The following ANK2 variants were observed in gnomAD, a reference collection of about 807,000 sequenced individuals.
The protein encoded by ANK2 is ankyrin 2, also known as ankyrin-2.
Under a neutral mutation model 360.5 loss-of-function variants are expected in ANK2, and 83 were observed. The ratio of observed to expected loss-of-function variants is 0.23; its 90% CI spans 0.19 to 0.28. ANK2 has a LOEUF of 0.28. Among genes scored for constraint, ANK2 ranks in the 10% least tolerant of loss-of-function variants. The pLI is 1.00. For missense variants in ANK2, 4,201 were observed against 4,795.7 expected, an observed-to-expected ratio of 0.88 and a Z score of 3.66; for synonymous variants, 1,740 against 1,759.5, an observed-to-expected ratio of 0.99 and a Z score of 0.28.
chr4:112,882,114 C>T (rs1480260744), intron 1 of ANK2: 2 of 298,748 alleles, frequency 6.7e-6, no homozygotes. Context: ...GCTTCCGCAG[C>T]TGTTCCGGCT....
intron 2 of ANK2, among the ~76,000 whole-genome samples, chr4:113,005,022 T>C (rs2052297962): frequency 6.6e-6 from 1 of 152,148 alleles, no homozygotes; most frequent in Non-Finnish European, 1.5e-5. Context: ...CAATAAGCCA[T>C]AAGAAAGAAG....
intron 1 of ANK2, among the ~76,000 whole-genome samples, chr4:112,833,128 T>G (rs974614633): frequency 1.3e-5 from 2 of 152,240 alleles, no homozygotes; most frequent in African/African-American, 2.4e-5. Context: ...GAGGCTTGGT[T>G]GTTCTGATAG....
intron 45 of ANK2, among the ~76,000 whole-genome samples, chr4:113,376,193 T>G (rs1274523514): frequency 6.6e-6 from 1 of 152,188 alleles, no homozygotes. Flanking sequence ...GTGTGAACAT[T>G]GTAGAATGTC....
At chr4:112,719,353 G>A in the ANK2 span, among the ~76,000 whole-genome samples, 1 of 152,108 alleles carries the variant, frequency 6.6e-6, no homozygotes, top group African/African-American at 2.4e-5. Flanking sequence ...CAGATACAGA[G>A]GGGAAAACAC....
chr4:113,292,645 C>G, intron 21 of ANK2, 131 bp downstream of exon 21: 1 of 1,052,318 alleles, frequency 9.5e-7, no homozygotes, highest in Non-Finnish European at 1.4e-6. Flanking sequence ...TGGAAAGCCC[C>G]AGATTTTTGG....
chr4:113,376,618 G>A (rs188512665), intron 45 of ANK2, among the ~76,000 whole-genome samples: 1 of 152,058 alleles, frequency 6.6e-6, no homozygotes, highest in East Asian at 1.9e-4. Flanking sequence ...TTAGCTTACT[G>A]TAACTCTTTG....
At chr4:113,102,680 G>T (rs1361738363) in intron 1 of ANK2, among the ~76,000 whole-genome samples, 1 of 152,150 alleles carries the variant, frequency 6.6e-6, no homozygotes, top group East Asian at 1.9e-4. Flanking sequence ...CAACTGTGAA[G>T]TGCTGTTAAA....
the ANK2 span, chr4:112,788,043 T>G: frequency 9.7e-7 from 1 of 1,035,186 alleles, no homozygotes; most frequent in African/African-American, 1.6e-5. Context: ...TTTGTATTAT[T>G]TTAATTATTT....
chr4:112,925,381 T>C (rs1452675811), intron 2 of ANK2, among the ~76,000 whole-genome samples: 2 of 152,254 alleles, frequency 1.3e-5, no homozygotes, highest in African/African-American at 4.8e-5. Flanking sequence ...AACATCCATC[T>C]GTTTTCTATC....
chr4:112,733,220 A>G, the ANK2 span, among the ~76,000 whole-genome samples: 1 of 151,864 alleles, frequency 6.6e-6, no homozygotes, highest in Non-Finnish European at 1.5e-5. Context: ...TGCCTCAAAA[A>G]TAATAATAAT....
intron 1 of ANK2, among the ~76,000 whole-genome samples, chr4:113,064,729 T>C (rs2074973768): frequency 6.6e-6 from 1 of 151,592 alleles, no homozygotes; most frequent in African/African-American, 2.4e-5. Flanking sequence ...TGTTAGAAAG[T>C]TCTGTAGAAC....
chr4:113,270,046 C>T (rs538475368), intron 14 of ANK2, among the ~76,000 whole-genome samples: 1 of 152,244 alleles, frequency 6.6e-6, no homozygotes, highest in South Asian at 2.1e-4. Context: ...GCTTCCCCTG[C>T]CATAACATTT....
intron 31 of ANK2, among the ~76,000 whole-genome samples, chr4:113,338,150 T>C (rs1426839761): frequency 2.0e-5 from 3 of 152,254 alleles, no homozygotes; most frequent in African/African-American, 4.8e-5. Context: ...GTATGTATTT[T>C]AAAGGCCTAC....
In ANK2 at chr4:112,988,881, G is replaced by C. The variant is rs150101200; in HGVS notation, c.21+84367G>C. Among the ~76,000 whole-genome samples, 296 of 151,532 alleles carry C rather than the reference G, an allele frequency of 2.0e-3. 2 individuals are homozygous for C. Among genetic ancestry groups the C allele is most frequent in the African/African-American group, 6.8e-3 (279 of 40,926 alleles). On this transcript the variant is annotated intron_variant, in intron 2 of 30. Transcript: ENST00000503271. Reference sequence around the variant, plus strand: ...AGAGCTCAATATGTAAGCGTTTTCTGGGTAACCCAAATGGTAAAAAAATTC... The same window carrying C: ...AGAGCTCAATATGTAAGCGTTTTCTCGGTAACCCAAATGGTAAAAAAATTC...
In ANK2 at chr4:113,353,848, G is replaced by A. The variant is rs924439034; in HGVS notation, c.5230G>A (p.Ala1744Thr). Residue 1744 changes from alanine to threonine, a missense_variant, in exon 38 of 46, where the codon GCC (alanine) becomes ACC (threonine). Ala to Thr is a moderately conservative substitution (Grantham distance 58). Transcript: ENST00000357077. ...GTCATTAGGTGAAGACCCAGGTTTA[G>A]CCCCTGAACCCCTTCCCACTGTCAA... Reference protein sequence around the residue: ...EESLGEDPGLAPEPLPTVKAT... With the variant: ...EESLGEDPGLTPEPLPTVKAT... 9 of 1,613,834 alleles carry A rather than the reference G, an allele frequency of 5.6e-6. No homozygotes were observed. The highest frequency in any genetic ancestry group is 5.0e-5 in the Admixed American group (3 of 59,976).
At chr4:113,263,578 G>A (rs879544551) in intron 13 of ANK2, among the ~76,000 whole-genome samples, 11 of 152,324 alleles carry the variant, frequency 7.2e-5, no homozygotes, top group Non-Finnish European at 1.5e-4. Flanking sequence ...TGTGAACTAT[G>A]TGCCAAATTA....
At chr4:112,779,289 C>G in the ANK2 span, among the ~76,000 whole-genome samples, 1 of 152,150 alleles carries the variant, frequency 6.6e-6, no homozygotes, top group Admixed American at 6.5e-5. Context: ...GAGGCTGAGG[C>G]GGGCAGATCA....
At chr4:113,239,779 T>C (rs1056757173) in intron 7 of ANK2, among the ~76,000 whole-genome samples, 1 of 152,202 alleles carries the variant, frequency 6.6e-6, no homozygotes, top group Non-Finnish European at 1.5e-5. Flanking sequence ...AATTACACTT[T>C]ATTGTATTGA....
chr4:113,268,795 G>C lies in ANK2; in HGVS notation c.1485+3800G>C, dbSNP rs1261901008. On this transcript the variant is annotated intron_variant, in intron 14 of 45. Coordinates refer to ENST00000357077, the MANE Select transcript of ANK2 (RefSeq NM_001148.6). ...GTTATGGAGGAGTCTCTCTTTTTCT[G>C]TTGTTTGGAACAGTTTCAGAAGGAA... 2.0e-5 allele frequency among the ~76,000 whole-genome samples: 3 copies of C among 152,102 alleles called. No homozygotes were observed. The East Asian group carries it at 5.8e-4, about 29-fold the overall frequency.
Sources: gnomAD v4.1 joint callset for allele counts (sites outside exome capture counted in the v4.1 genomes callset) on GRCh38, gnomAD v4.1.1 for gene constraint, MANE v1.5 for transcripts, NCBI Gene and HGNC (gene_info 2026-07-23, HGNC 2026-07-21) for gene names.